Variants in GRID2 observed in about 807,000 individuals in gnomAD.
The protein encoded by GRID2 is glutamate ionotropic receptor delta type subunit 2, also known as glutamate receptor ionotropic, delta-2.
A neutral mutation model predicts 114.8 loss-of-function variants in GRID2; 33 were observed. The ratio of observed to expected loss-of-function variants is 0.29; its 90% CI spans 0.22 to 0.38. GRID2 has a LOEUF of 0.38. Ranked by LOEUF, GRID2 falls within the 10% of genes least tolerant of loss-of-function variation. GRID2 has a pLI of 1.00. For synonymous variants in GRID2, 505 were observed against 449.9 expected (o/e 1.12, Z -1.55); for missense variants, 1,184 against 1,257.7 (o/e 0.94, Z 0.89).
rs146801375 is a variant in GRID2 at position 92,971,515 on chromosome 4, TCAAA to T, written c.245-113477_245-113474del. ...TCAGAGTAATTACATAGCCATCAAC[TCAAA>T]CATTTATCATTTCTCTGTGTGTGAA... On this transcript the variant is annotated intron_variant, in intron 2 of 15. Transcript: ENST00000282020. Among the ~76,000 whole-genome samples, 649 of 152,226 alleles carry T rather than the reference TCAAA, an allele frequency of 4.3e-3. 13 individuals carry two copies. The highest frequency in any genetic ancestry group is 0.026 in the East Asian group (133 of 5,190).
intron 2 of GRID2, among the ~76,000 whole-genome samples, chr4:92,883,900 A>G (rs1326908543): frequency 2.0e-5 from 3 of 152,204 alleles, no homozygotes; most frequent in Non-Finnish European, 2.9e-5. Flanking sequence ...CAGAATGGTA[A>G]ATAAGCATTG....
chr4:92,859,806 C>T (rs904371143), intron 2 of GRID2, among the ~76,000 whole-genome samples: 5 of 152,134 alleles, frequency 3.3e-5, no homozygotes, highest in African/African-American at 1.2e-4. Context: ...AGCAACTTGC[C>T]TACCTAGAGT....
At chr4:93,554,415 T>C (rs2149549689) in intron 13 of GRID2, among the ~76,000 whole-genome samples, 1 of 149,462 alleles carries the variant, frequency 6.7e-6, no homozygotes, top group Non-Finnish European at 1.5e-5. Flanking sequence ...CATTTATCTC[T>C]TTTTTCTGCA....
chr4:92,504,175 TCCATAC>T (rs1322141303), intron 1 of GRID2, among the ~76,000 whole-genome samples: 1 of 152,070 alleles, frequency 6.6e-6, no homozygotes, highest in African/African-American at 2.4e-5. Context: ...GAGTAAAATT[TCCATAC>T]CCAGAAGAGA....
intron 14 of GRID2, among the ~76,000 whole-genome samples, chr4:93,688,962 A>G (rs565441123): frequency 9.3e-4 from 142 of 152,210 alleles, no homozygotes; most frequent in African/African-American, 3.2e-3. Flanking sequence ...ACTTCAGAAT[A>G]TGACTGTATT....
At chr4:92,853,097 CCATGACT>C (rs1478799564) in intron 2 of GRID2, among the ~76,000 whole-genome samples, 3 of 151,966 alleles carry the variant, frequency 2.0e-5, no homozygotes, top group Non-Finnish European at 4.4e-5. Flanking sequence ...ATCACATAGA[CCATGACT>C]CAAGCCTTGT....
intron 9 of GRID2, among the ~76,000 whole-genome samples, chr4:93,418,649 T>G (rs1767959543): frequency 6.6e-6 from 1 of 152,090 alleles, no homozygotes; most frequent in African/African-American, 2.4e-5. Flanking sequence ...AACTTAGGTT[T>G]CTACCATTAC....
chr4:93,497,051 A>AC (rs796405476), intron 12 of GRID2, among the ~76,000 whole-genome samples: 8 of 142,450 alleles, frequency 5.6e-5, no homozygotes, highest in African/African-American at 1.5e-4. Context: ...TGGTGGTATC[A>AC]TTTTTTTTTT....
intron 2 of GRID2, among the ~76,000 whole-genome samples, chr4:92,975,786 A>G (rs1753833843): frequency 6.6e-6 from 1 of 152,124 alleles, no homozygotes; most frequent in African/African-American, 2.4e-5. Context: ...AATGTAGATA[A>G]TGTCAAGAGA....
intron 2 of GRID2, among the ~76,000 whole-genome samples, chr4:92,601,053 G>T (rs1489453176): frequency 6.6e-6 from 1 of 151,670 alleles, no homozygotes; most frequent in Non-Finnish European, 1.5e-5. Context: ...AGAGAGACCA[G>T]AGCTCTGTCC....
chr4:93,702,099 C>A (rs931294073), intron 14 of GRID2, among the ~76,000 whole-genome samples: 1 of 151,910 alleles, frequency 6.6e-6, no homozygotes, highest in Non-Finnish European at 1.5e-5. Context: ...ATTATGAAAT[C>A]GACTCTTGTG....
At chr4:92,954,861 C>A (rs923129813) in intron 2 of GRID2, among the ~76,000 whole-genome samples, 3 of 140,338 alleles carry the variant, frequency 2.1e-5, no homozygotes, top group Non-Finnish European at 4.6e-5. Flanking sequence ...TGAGAATATG[C>A]GGTGTTTGGT....
At chr4:93,109,516 T>A (rs1390255782) in intron 3 of GRID2, among the ~76,000 whole-genome samples, 1 of 152,160 alleles carries the variant, frequency 6.6e-6, no homozygotes, top group African/African-American at 2.4e-5. Context: ...TGGTTTTACT[T>A]ACTGCTTTTT....
rs772564540 is a variant in GRID2 at position 92,562,676 on chromosome 4, T to C, written c.89-27455T>C. ...TGAAGGAACATAGATGGGCAATGAGTATCATGAGAAGAACCTGGGCTTTGG... is the reference window on the plus strand; with the variant it reads ...TGAAGGAACATAGATGGGCAATGAGCATCATGAGAAGAACCTGGGCTTTGG... On this transcript the variant is annotated intron_variant, in intron 1 of 15. Coordinates refer to ENST00000282020, the MANE Select transcript of GRID2 (RefSeq NM_001510.4). Among the ~76,000 whole-genome samples, 13 of 152,134 alleles carry C rather than the reference T, an allele frequency of 8.5e-5. 1 individual carries two copies. The highest frequency in any genetic ancestry group is 1.5e-4 in the Non-Finnish European group (10 of 68,028).
chr4:93,052,675 C>T (rs912219886), intron 2 of GRID2, among the ~76,000 whole-genome samples: 6 of 151,998 alleles, frequency 3.9e-5, no homozygotes, highest in Admixed American at 3.9e-4. Context: ...AGTGGCATGA[C>T]TGTATATGGC....
At chr4:93,311,152 A>G (rs2149187708) in intron 8 of GRID2, among the ~76,000 whole-genome samples, 1 of 152,314 alleles carries the variant, frequency 6.6e-6, no homozygotes, top group African/African-American at 2.4e-5. Flanking sequence ...CAGACACAAG[A>G]ATCAAGAGTT....
rs573915576 is a variant in GRID2 at position 93,597,388 on chromosome 4, A to T, written c.2194-28881A>T. 1.9e-4 allele frequency among the ~76,000 whole-genome samples: 29 copies of T among 152,306 alleles called. 1 individual carries two copies. In the South Asian group the frequency reaches 3.3e-3, roughly 17 times the overall value. On this transcript the variant is annotated intron_variant, in intron 13 of 15. Transcript: ENST00000282020. ...CTACAGCTCCGAAACATCATGATGA[A>T]TGTTTTACAGTCTTCTAGTTCACAG...
intron 14 of GRID2, among the ~76,000 whole-genome samples, chr4:93,692,590 T>G (rs1302008795): frequency 2.0e-5 from 3 of 152,170 alleles, no homozygotes; most frequent in Non-Finnish European, 2.9e-5. Flanking sequence ...TTTGGAATTA[T>G]GTATACTTAG....
chr4:93,126,387 T>C lies in GRID2; in HGVS notation c.735+15434T>C, dbSNP rs184894599. On this transcript the variant is annotated intron_variant, in intron 4 of 15. Transcript: ENST00000282020. ...CTTTAGAGATAAACAAAAATGTGTT[T>C]ACCTAAAACAAAGTTTCTTGGGCTT... Among the ~76,000 whole-genome samples the C allele has an allele frequency of 2.2e-3, 334 of 152,110 alleles. 3 individuals are homozygous for C. The highest frequency in any genetic ancestry group is 7.8e-3 in the African/African-American group (323 of 41,530).
Sources: gnomAD v4.1 joint callset for allele counts (sites outside exome capture counted in the v4.1 genomes callset) on GRCh38, gnomAD v4.1.1 for gene constraint, MANE v1.5 for transcripts, NCBI Gene and HGNC (gene_info 2026-07-23, HGNC 2026-07-21) for gene names.